The following SLIT2 variants were observed in gnomAD, a reference collection of about 807,000 sequenced individuals.
SLIT2 encodes the protein slit guidance ligand 2.
Under a neutral mutation model 185.7 loss-of-function variants are expected in SLIT2, and 41 were observed. The ratio of observed to expected loss-of-function variants is 0.22; its 90% CI spans 0.17 to 0.29. The LOEUF (loss-of-function observed/expected upper bound fraction) is 0.29. Ranked by LOEUF, SLIT2 falls within the 10% of genes least tolerant of loss-of-function variation. The pLI, the probability that SLIT2 is intolerant of heterozygous loss-of-function variation, is 1.00. For synonymous variants in SLIT2, 693 were observed against 680.2 expected (o/e 1.02, Z -0.29); for missense variants, 1,571 against 1,909.0 (o/e 0.82, Z 3.30).
chr4:20,290,823 AT>A (rs1008818442), intron 4 of SLIT2, among the ~76,000 whole-genome samples: 61 of 140,386 alleles, frequency 4.3e-4, no homozygotes, highest in African/African-American at 1.4e-3. Flanking sequence ...TTAATATCTT[AT>A]TTTTTTCTGT....
chr4:20,328,458 G>A (rs1719779922), intron 4 of SLIT2, among the ~76,000 whole-genome samples: 1 of 151,886 alleles, frequency 6.6e-6, no homozygotes, highest in Admixed American at 6.6e-5. Flanking sequence ...CCTAAAATTT[G>A]CTATAAGGTT....
chr4:20,381,258 T>TAA (rs201302554), intron 4 of SLIT2, among the ~76,000 whole-genome samples: 11 of 149,146 alleles, frequency 7.4e-5, no homozygotes, highest in Non-Finnish European at 1.0e-4. Context: ...TCTCAAAAAA[T>TAA]AAAAAAAAAC....
intron 12 of SLIT2, among the ~76,000 whole-genome samples, chr4:20,520,960 A>C (rs1319120970): frequency 1.3e-5 from 2 of 152,224 alleles, no homozygotes; most frequent in Non-Finnish European, 2.9e-5. Flanking sequence ...TGATAAAATT[A>C]TGCTATTCAC....
Position 20,358,641 on chromosome 4 carries a change from A to G in SLIT2, c.395+89760A>G, listed in dbSNP as rs558162841. 5.1e-4 allele frequency among the ~76,000 whole-genome samples: 78 copies of G among 152,226 alleles called. No individual in the cohort carries two copies. In the South Asian group the frequency reaches 0.014, roughly 28 times the overall value. On this transcript the variant is annotated intron_variant, in intron 4 of 36. Transcript: ENST00000504154. ...GGAACCACCCTATGATTTAGGTAGCATTGTTCCTATTTTGAAGTTTGACAA... is the reference window on the plus strand; with the variant it reads ...GGAACCACCCTATGATTTAGGTAGCGTTGTTCCTATTTTGAAGTTTGACAA...
rs1463489099 is a variant in SLIT2 at position 20,254,304 on chromosome 4, G to A, written c.179+310G>A. On this transcript the variant is annotated intron_variant, in intron 1 of 36. Coordinates refer to ENST00000504154, the MANE Select transcript of SLIT2 (RefSeq NM_004787.4). This position sits in a 1 kb window ranked among gnomAD's most constrained non-coding sequence, Gnocchi z 5.1. Reference sequence around the variant, plus strand: ...AGATAGGGGACAAGTACTGGAGGATGCCCGGGGCAAGTGAGACGCCACTTT... The same window carrying A: ...AGATAGGGGACAAGTACTGGAGGATACCCGGGGCAAGTGAGACGCCACTTT... Among the ~76,000 whole-genome samples, 1 of 152,182 alleles carries A rather than the reference G, an allele frequency of 6.6e-6. No individual in the cohort carries two copies. Among genetic ancestry groups the A allele is most frequent in the African/African-American group, 2.4e-5 (1 of 41,460 alleles).
intron 7 of SLIT2, among the ~76,000 whole-genome samples, chr4:20,487,375 T>TA (rs899817003): frequency 6.6e-6 from 1 of 152,168 alleles, no homozygotes; most frequent in African/African-American, 2.4e-5. Flanking sequence ...GTATTTTTTT[T>TA]AAAAAGAAAT....
intron 4 of SLIT2, among the ~76,000 whole-genome samples, chr4:20,395,176 C>A (rs1725785489): frequency 6.6e-6 from 1 of 151,900 alleles, no homozygotes; most frequent in Non-Finnish European, 1.5e-5. Context: ...AAACGTTAAG[C>A]ATTTGTGAGT....
At chr4:20,589,763 C>T (rs369104294) in intron 30 of SLIT2, 26 bp downstream of exon 30, 7 of 1,565,044 alleles carry the variant, frequency 4.5e-6, no homozygotes, top group African/African-American at 4.1e-5. Flanking sequence ...CCTTTTTGCT[C>T]ACAGTCAGGG....
intron 4 of SLIT2, among the ~76,000 whole-genome samples, chr4:20,421,704 A>T (rs891654500): frequency 1.3e-5 from 2 of 152,172 alleles, no homozygotes; most frequent in African/African-American, 2.4e-5. Flanking sequence ...GATGAGAGGG[A>T]TCCTGTGAGC....
rs35299120 is a variant in SLIT2 at position 20,497,262 on chromosome 4, GAA to G, written c.914+5373_914+5374del. On this transcript the variant is annotated intron_variant, in intron 9 of 36. Coordinates refer to ENST00000504154, the MANE Select transcript of SLIT2 (RefSeq NM_004787.4). Reference sequence around the variant, plus strand: ...ACTTTGTTGTTTAAAAAAAACTTGGGAAAAAAAAAAACAGGCTCAAAAAACTT... The same window carrying G: ...ACTTTGTTGTTTAAAAAAAACTTGGGAAAAAAAAACAGGCTCAAAAAACTT... Among the ~76,000 whole-genome samples the G allele has an allele frequency of 4.1e-4, 61 of 147,638 alleles. 1 individual carries two copies. Among genetic ancestry groups the G allele is most frequent in the African/African-American group, 7.7e-4 (31 of 40,438 alleles).
At chr4:20,442,266 T>G (rs2148701924) in intron 4 of SLIT2, among the ~76,000 whole-genome samples, 1 of 152,222 alleles carries the variant, frequency 6.6e-6, no homozygotes, top group Admixed American at 6.5e-5. Flanking sequence ...ACGCCTGTAA[T>G]CCCAGCACTT....
intron 29 of SLIT2, among the ~76,000 whole-genome samples, chr4:20,575,652 C>T (rs536271335): frequency 6.6e-6 from 1 of 152,240 alleles, no homozygotes; most frequent in South Asian, 2.1e-4. Flanking sequence ...CTCACAATAG[C>T]TTATTTCTCA....
intron 4 of SLIT2, among the ~76,000 whole-genome samples, chr4:20,330,181 T>A (rs4696954): frequency 0.87 from 131,843 of 151,972 alleles, 57,379 homozygotes; most frequent in African/African-American, 0.92. Context: ...CTGTGGTTTT[T>A]TTTCTTTATC....
intron 11 of SLIT2, among the ~76,000 whole-genome samples, chr4:20,512,661 A>G (rs1719861550): frequency 1.3e-5 from 2 of 152,204 alleles, no homozygotes; most frequent in Admixed American, 1.3e-4. Context: ...CTGAACAGTA[A>G]TACTATCCAG....
intron 4 of SLIT2, among the ~76,000 whole-genome samples, chr4:20,354,209 T>A (rs1042475217): frequency 2.7e-5 from 4 of 148,584 alleles, no homozygotes; most frequent in Non-Finnish European, 4.4e-5. Flanking sequence ...GAAAGGTAGG[T>A]TTTTTTTCTT....
rs1226747735 is a variant in SLIT2, at chr4:20,254,770, G to A, written c.179+776G>A. The A allele has an allele frequency of 1.0e-5, 4 of 387,768 alleles. No homozygotes were observed. Among genetic ancestry groups the A allele is most frequent in the African/African-American group, 6.3e-5 (3 of 47,846 alleles). The allele number at this position is 387,768 out of a possible 1,614,324, so 24.0% of individuals were successfully genotyped here. ...GTCTTACCACTGCGGCGACCCGGCGGTGCCCGGCTGCCCCCTCCGGCCCTT... is the reference window on the plus strand; with the variant it reads ...GTCTTACCACTGCGGCGACCCGGCGATGCCCGGCTGCCCCCTCCGGCCCTT... On this transcript the variant is annotated intron_variant, in intron 1 of 36. Transcript: ENST00000504154. The surrounding 1 kb of genome is among the most constrained non-coding windows in gnomAD (Gnocchi z 5.1).
At chr4:20,320,041 G>A (rs747987102) in intron 4 of SLIT2, among the ~76,000 whole-genome samples, 17 of 152,116 alleles carry the variant, frequency 1.1e-4, no homozygotes, top group Non-Finnish European at 2.2e-4. Flanking sequence ...TGGTTTCCAG[G>A]GATGTAGTCA....
At chr4:20,506,556 A>G (rs1719222993) in intron 9 of SLIT2, among the ~76,000 whole-genome samples, 1 of 151,758 alleles carries the variant, frequency 6.6e-6, no homozygotes, top group African/African-American at 2.4e-5. Context: ...TCACTTCTTT[A>G]TTTTTTATAA....
intron 4 of SLIT2, among the ~76,000 whole-genome samples, chr4:20,373,329 A>T (rs1378982683): frequency 6.6e-6 from 1 of 152,076 alleles, no homozygotes; most frequent in Non-Finnish European, 1.5e-5. Flanking sequence ...CATGAATCTC[A>T]ATTTTTGAAA....
Sources: allele counts gnomAD v4.1 joint callset (sites outside exome capture counted in the v4.1 genomes callset), GRCh38; gene constraint gnomAD v4.1.1; non-coding constraint Gnocchi (gnomAD v3.1); transcripts MANE v1.5; gene names NCBI Gene and HGNC (gene_info 2026-07-23, HGNC 2026-07-21).